CPLX2: variants seen among roughly 807,000 people sequenced by gnomAD.
CPLX2 encodes complexin-2.
In CPLX2, 5 loss-of-function variants were observed where a neutral mutation model predicts 16.3. The observed-to-expected ratio is 0.31, with a 90% CI of 0.16 to 0.64. The LOEUF (loss-of-function observed/expected upper bound fraction) is 0.64, where lower values mean the gene tolerates loss of function less well. Among genes scored for constraint, CPLX2 ranks in the 30% least tolerant of loss-of-function variants. The pLI is 0.79. For missense variants in CPLX2, 144 were observed against 181.4 expected, an observed-to-expected ratio of 0.79 and a Z score of 1.18; for synonymous variants, 89 against 73.2, an observed-to-expected ratio of 1.22 and a Z score of -1.10.
At chr5:175,799,095 C>G (rs1464483468) in intron 1 of CPLX2, among the ~76,000 whole-genome samples, 1 of 152,186 alleles carries the variant, frequency 6.6e-6, no homozygotes, top group South Asian at 2.1e-4. Flanking sequence ...AGGGATGCAT[C>G]AACACTCAAC....
chr5:175,879,232 C>CACAA lies in CPLX2; in HGVS notation c.207+150_207+153dup, dbSNP rs1270425360. On this transcript the variant is annotated intron_variant, in intron 3 of 3. Transcript: ENST00000393745. ...CTCTTCTCATCAGCAAAACGGGTAT[C>CACAA]ACAAGGTCACCTCCCTCAAGGGATC... 5 of 807,112 alleles carry CACAA rather than the reference C, an allele frequency of 6.2e-6. No homozygotes were observed. The East Asian group carries it at 1.1e-4, about 17-fold the overall frequency. The allele number at this position is 807,112 out of a possible 1,614,324, so 50.0% of individuals were successfully genotyped here.
chr5:175,857,520 C>T (rs1433574657), intron 2 of CPLX2, among the ~76,000 whole-genome samples: 1 of 152,204 alleles, frequency 6.6e-6, no homozygotes, highest in Non-Finnish European at 1.5e-5. Flanking sequence ...CCTAGTCTAC[C>T]TTAAACGTGC....
intron 2 of CPLX2, among the ~76,000 whole-genome samples, chr5:175,810,762 G>A (rs1173111268): frequency 1.3e-5 from 2 of 152,132 alleles, no homozygotes; most frequent in Non-Finnish European, 2.9e-5. Flanking sequence ...ATAGGCTTTG[G>A]GATGGAAACT....
intron 2 of CPLX2, among the ~76,000 whole-genome samples, chr5:175,816,524 C>T (rs1235829333): frequency 2.0e-5 from 3 of 152,188 alleles, no homozygotes; most frequent in South Asian, 2.1e-4. Context: ...TCTCACAGGC[C>T]GTTGGCCAAA....
chr5:175,878,663 T>C lies in CPLX2; in HGVS notation c.-77T>C. 10 of 1,556,468 alleles carry C rather than the reference T, an allele frequency of 6.4e-6. No individual in the cohort carries two copies. The highest frequency in any genetic ancestry group is 8.8e-6 in the Non-Finnish European group (10 of 1,141,958). On this transcript the variant is annotated 5_prime_UTR_variant, in exon 2 of 4. Coordinates refer to ENST00000393745, the MANE Select transcript of CPLX2 (RefSeq NM_001008220.2). ...ATTCTCTTCTGCAGGTTGTCACATC[T>C]TCCCAAGCCAGGCCAGCCAGGAGCG...
chr5:175,811,710 T>C (rs2113634006), intron 2 of CPLX2, among the ~76,000 whole-genome samples: 1 of 151,706 alleles, frequency 6.6e-6, no homozygotes, highest in South Asian at 2.1e-4. Context: ...TCACAGGTGA[T>C]GTTCTGGGGA....
intron 1 of CPLX2, 28 bp downstream of exon 1, chr5:175,871,733 C>A (rs1049523608): frequency 1.1e-4 from 17 of 152,520 alleles, no homozygotes; most frequent in African/African-American, 3.9e-4. Flanking sequence ...GCCGGGAGGG[C>A]GGAGCTGGGC....
At chr5:175,863,977 G>A (rs983433762) in intron 2 of CPLX2, among the ~76,000 whole-genome samples, 3 of 152,214 alleles carry the variant, frequency 2.0e-5, no homozygotes, top group African/African-American at 7.2e-5. Flanking sequence ...GGAAGATTAT[G>A]AGGCAGAGTT....
intron 2 of CPLX2, among the ~76,000 whole-genome samples, chr5:175,814,120 G>A (rs1224590476): frequency 6.6e-6 from 1 of 152,238 alleles, no homozygotes; most frequent in African/African-American, 2.4e-5. Flanking sequence ...GTATGACTGA[G>A]GCAAGAGTCA....
intron 1 of CPLX2, among the ~76,000 whole-genome samples, chr5:175,806,454 A>G (rs1335644636): frequency 6.6e-6 from 1 of 152,098 alleles, no homozygotes; most frequent in Non-Finnish European, 1.5e-5. Context: ...CTGTAGCTTA[A>G]GGATCTGCTT....
chr5:175,811,217 C>G (rs1241478444), intron 2 of CPLX2, among the ~76,000 whole-genome samples: 1 of 152,242 alleles, frequency 6.6e-6, no homozygotes, highest in Non-Finnish European at 1.5e-5. Flanking sequence ...AGCCAGCTGA[C>G]TCTGCATTCT....
At chr5:175,878,351 A>G (rs1755460934) in intron 1 of CPLX2, 1 of 244,904 alleles carries the variant, frequency 4.1e-6, no homozygotes, top group South Asian at 1.0e-4. Flanking sequence ...GATCTGCCTG[A>G]CTCCAAGTTC....
At chr5:175,820,326 C>T (rs539118902) in intron 2 of CPLX2, among the ~76,000 whole-genome samples, 2 of 152,336 alleles carry the variant, frequency 1.3e-5, no homozygotes, top group South Asian at 2.1e-4. Context: ...TTCCTTCCCC[C>T]GACACTTCTG....
intron 1 of CPLX2, among the ~76,000 whole-genome samples, chr5:175,799,227 T>C (rs940694734): frequency 6.6e-6 from 1 of 152,134 alleles, no homozygotes; most frequent in Non-Finnish European, 1.5e-5. Context: ...GTAATCTGAA[T>C]CGTGAGTTCC....
intron 2 of CPLX2, among the ~76,000 whole-genome samples, chr5:175,836,145 T>G (rs996700699): frequency 5.9e-5 from 9 of 151,998 alleles, no homozygotes; most frequent in Non-Finnish European, 1.0e-4. Context: ...GGTCAGGAGA[T>G]CGAAACCATC....
In CPLX2 at chr5:175,882,844, G is replaced by A. The variant is rs1378001043; in HGVS notation, c.*2799G>A. ...GACCTGGCTGTGGAGAGCAGCTAAT[G>A]TGTGGCCCAGAGAGCCTGTCTGTGT... On this transcript the variant is annotated 3_prime_UTR_variant, in exon 4 of 4. Transcript: ENST00000393745. 1.3e-5 allele frequency: 2 copies of A among 152,516 alleles called. No homozygotes were observed. Among genetic ancestry groups the A allele is most frequent in the African/African-American group, 2.4e-5 (1 of 41,464 alleles). The allele number at this position is 152,516 out of a possible 1,614,324, so 9.4% of individuals were successfully genotyped here.
upstream of CPLX2, among the ~76,000 whole-genome samples, chr5:175,869,610 A>T (rs1021078414): frequency 1.3e-5 from 2 of 152,196 alleles, no homozygotes; most frequent in African/African-American, 4.8e-5. Flanking sequence ...CACGTTACTA[A>T]GCGGGGGAAT....
chr5:175,848,238 C>A (rs1314800185), intron 2 of CPLX2, among the ~76,000 whole-genome samples: 1 of 152,080 alleles, frequency 6.6e-6, no homozygotes, highest in Non-Finnish European at 1.5e-5. Flanking sequence ...AGGAGTGTCC[C>A]CAGCATGTAC....
upstream of CPLX2, among the ~76,000 whole-genome samples, chr5:175,870,990 C>T (rs1287287128): frequency 6.6e-6 from 1 of 152,106 alleles, no homozygotes; most frequent in Non-Finnish European, 1.5e-5. Flanking sequence ...AGGTCCAGTC[C>T]TGGAGCTGCT....
Sources: gnomAD v4.1 joint callset for allele counts (sites outside exome capture counted in the v4.1 genomes callset) on GRCh38, gnomAD v4.1.1 for gene constraint, MANE v1.5 for transcripts, NCBI Gene and HGNC (gene_info 2026-07-23, HGNC 2026-07-21) for gene names.